ANO4: variants seen among roughly 807,000 people sequenced by gnomAD.
ANO4 encodes the protein anoctamin 4.
Under a neutral mutation model 141.9 loss-of-function variants are expected in ANO4, and 69 were observed. The ratio of observed to expected loss-of-function variants is 0.49; its 90% CI spans 0.40 to 0.59. The LOEUF (loss-of-function observed/expected upper bound fraction) is 0.59. Ranked by LOEUF, ANO4 falls within the 20% of genes least tolerant of loss-of-function variation. The pLI is 0.00. For synonymous variants in ANO4, 350 were observed against 394.3 expected (o/e 0.89, Z 1.33); for missense variants, 894 against 1,162.2 (o/e 0.77, Z 3.36).
In ANO4 at chr12:100,849,729, G is replaced by T. The variant is rs545678197; in HGVS notation, c.-140-51917G>T. 7.2e-5 allele frequency among the ~76,000 whole-genome samples: 11 copies of T among 152,312 alleles called. No homozygotes were observed. The East Asian group carries it at 1.2e-3, about 16-fold the overall frequency. ...CCCATGTCATTTTGCGCATGCACATGTATATGTAGGAAAATTTTTAGAGCT... is the reference window on the plus strand; with the variant it reads ...CCCATGTCATTTTGCGCATGCACATTTATATGTAGGAAAATTTTTAGAGCT... On this transcript the variant is annotated intron_variant, in intron 1 of 27. Coordinates refer to ENST00000392977, the MANE Select transcript of ANO4 (RefSeq NM_001286615.2).
intron 14 of ANO4, among the ~76,000 whole-genome samples, chr12:101,059,201 A>G (rs879272676): frequency 1.3e-5 from 2 of 152,216 alleles, no homozygotes; most frequent in Non-Finnish European, 2.9e-5. Context: ...CTTGCATCCC[A>G]GGGATGAAGC....
At chr12:101,023,958 G>A (rs1224839084) in intron 9 of ANO4, among the ~76,000 whole-genome samples, 1 of 152,158 alleles carries the variant, frequency 6.6e-6, no homozygotes, top group African/African-American at 2.4e-5. Flanking sequence ...TCTTGCATGA[G>A]CCAACATCGA....
intron 1 of ANO4, among the ~76,000 whole-genome samples, chr12:100,818,032 CTTATTA>C (rs934391978): frequency 1.3e-5 from 2 of 151,474 alleles, no homozygotes; most frequent in East Asian, 1.9e-4. Flanking sequence ...CATGATTTCC[CTTATTA>C]TTATTATTAC....
At chr12:101,027,697 G>A (rs2046801553) in intron 9 of ANO4, among the ~76,000 whole-genome samples, 1 of 152,154 alleles carries the variant, frequency 6.6e-6, no homozygotes. Context: ...AGAGACTCAG[G>A]GACAGAACCT....
intron 14 of ANO4, among the ~76,000 whole-genome samples, chr12:101,052,608 T>G (rs962662284): frequency 3.9e-5 from 6 of 152,348 alleles, no homozygotes; most frequent in South Asian, 2.1e-4. Context: ...GGTAATTATT[T>G]AGTGTGATCC....
chr12:100,853,825 C>T (rs975662263), intron 1 of ANO4, among the ~76,000 whole-genome samples: 16 of 152,154 alleles, frequency 1.1e-4, no homozygotes, highest in Non-Finnish European at 1.5e-5. Context: ...CATTTAACTA[C>T]AATCTTCCCA....
intron 4 of ANO4, among the ~76,000 whole-genome samples, chr12:100,939,949 A>G (rs916909457): frequency 6.6e-6 from 1 of 152,152 alleles, no homozygotes; most frequent in African/African-American, 2.4e-5. Context: ...TTTTGGAGGC[A>G]TTCCCCTTTG....
intron 9 of ANO4, among the ~76,000 whole-genome samples, chr12:101,028,181 CT>C (rs2046820641): frequency 6.6e-6 from 1 of 152,126 alleles, no homozygotes; most frequent in South Asian, 2.1e-4. Context: ...CAGTGGTCAG[CT>C]GCCTCAAAGA....
chr12:100,904,975 G>A (rs1036702161), intron 2 of ANO4, among the ~76,000 whole-genome samples: 3 of 152,172 alleles, frequency 2.0e-5, no homozygotes, highest in African/African-American at 7.2e-5. Flanking sequence ...TGGATTGGAT[G>A]TAGGGTAAAA....
At chr12:101,048,799 A>T (rs2047740897) in intron 14 of ANO4, among the ~76,000 whole-genome samples, 1 of 152,148 alleles carries the variant, frequency 6.6e-6, no homozygotes, top group African/African-American at 2.4e-5. Flanking sequence ...TCTGTACAAA[A>T]TTACCCCTAA....
At chr12:100,889,001 G>C (rs959414696) in intron 1 of ANO4, among the ~76,000 whole-genome samples, 1 of 150,954 alleles carries the variant, frequency 6.6e-6, no homozygotes, top group African/African-American at 2.4e-5. Flanking sequence ...TTTAGCATTA[G>C]GTATATCTCC....
chr12:101,042,444 C>G lies in ANO4; in HGVS notation c.1130C>G (p.Thr377Ser). 1 of 1,614,104 alleles carries G rather than the reference C, an allele frequency of 6.2e-7. No individual in the cohort carries two copies. The highest frequency in any genetic ancestry group is 8.5e-7 in the Non-Finnish European group (1 of 1,180,004). Residue 377 changes from threonine (T) to serine (S), a missense_variant, in exon 12 of 28, where the codon ACC becomes AGC. Transcript: ENST00000392977. ...TTGTTTGTCTTTTTGTATGGCGTCA[C>G]CACTCTGGATCACAGCCAAGTCAGG... is the stretch of plus-strand genomic sequence containing the variant. ...IGLFVFLYGV[T>S]TLDHSQVSKE...
chr12:100,775,148 T>C (rs75684268), intron 3 of ANO4, among the ~76,000 whole-genome samples: 7,197 of 152,294 alleles, frequency 0.047, 487 homozygotes, highest in African/African-American at 0.15. Flanking sequence ...TTTTCAAATT[T>C]GCATTTAAAG....
chr12:100,911,076 T>C (rs2041080066), intron 2 of ANO4, among the ~76,000 whole-genome samples: 1 of 152,188 alleles, frequency 6.6e-6, no homozygotes, highest in Non-Finnish European at 1.5e-5. Flanking sequence ...ATGCATAGTT[T>C]GATAATAATA....
chr12:100,946,760 G>A (rs1023995137), intron 5 of ANO4, among the ~76,000 whole-genome samples: 1 of 152,160 alleles, frequency 6.6e-6, no homozygotes, highest in Non-Finnish European at 1.5e-5. Flanking sequence ...ATAAAAATGA[G>A]AAGAGGTCCA....
chr12:101,086,007 G>A (rs1343204854), intron 16 of ANO4, among the ~76,000 whole-genome samples: 2 of 151,952 alleles, frequency 1.3e-5, no homozygotes, highest in African/African-American at 4.8e-5. Context: ...TAGTCTGGGA[G>A]TCATGAAGAA....
chr12:100,889,759 G>A (rs573153253), intron 1 of ANO4, among the ~76,000 whole-genome samples: 9 of 152,258 alleles, frequency 5.9e-5, no homozygotes, highest in African/African-American at 1.9e-4. Flanking sequence ...GAGAGGATGT[G>A]GAGAAATAGG....
chr12:100,840,379 C>T (rs1013719538), intron 1 of ANO4, among the ~76,000 whole-genome samples: 15 of 152,022 alleles, frequency 9.9e-5, no homozygotes, highest in Non-Finnish European at 1.8e-4. Context: ...TATAACTTTA[C>T]GATTTTCAGA....
intron 22 of ANO4, among the ~76,000 whole-genome samples, chr12:101,104,872 A>G (rs186147952): frequency 7.0e-4 from 106 of 151,740 alleles, no homozygotes; most frequent in Non-Finnish European, 1.1e-3. Context: ...TGAAATCCCC[A>G]AGTATGATTG....
Sources: gnomAD v4.1 joint callset for allele counts (sites outside exome capture counted in the v4.1 genomes callset) on GRCh38, gnomAD v4.1.1 for gene constraint, MANE v1.5 for transcripts, NCBI Gene and HGNC (gene_info 2026-07-23, HGNC 2026-07-21) for gene names.